ASH1L: variants seen among roughly 807,000 people sequenced by gnomAD.
ASH1L encodes histone-lysine N-methyltransferase ASH1L.
ASH1L carries 23 observed loss-of-function variants against 269.0 expected under a neutral mutation model. That is an observed-to-expected ratio of 0.09 (90% confidence interval 0.06 to 0.12). ASH1L has a LOEUF of 0.12. ASH1L is among the 10% of genes least tolerant of loss of function. The pLI is 1.00. For synonymous variants in ASH1L, 1,187 were observed against 1,253.5 expected (o/e 0.95, Z 1.12); for missense variants, 2,912 against 3,567.8 (o/e 0.82, Z 4.68).
rs1459532783 is a variant in ASH1L, at chr1:155,562,588, G to T, written c.-535C>A. On this transcript the variant is annotated 5_prime_UTR_variant, in exon 1 of 28. Transcript: ENST00000392403. ...CGCTCCGCCCGACTCCGTCCGCGTAGCGCGCACGCCCGCCCGCACGCGTAC... is the reference window on the plus strand; with the variant it reads ...CGCTCCGCCCGACTCCGTCCGCGTATCGCGCACGCCCGCCCGCACGCGTAC... 2 of 1,529,128 alleles carry T rather than the reference G, an allele frequency of 1.3e-6. No homozygotes were observed. Among genetic ancestry groups the T allele is most frequent in the South Asian group, 2.4e-5 (2 of 83,784 alleles). 94.7% of individuals were successfully genotyped at this position (1,529,128 alleles called of 1,614,324 possible).
chr1:155,485,722 T>C (rs1355255965), intron 2 of ASH1L, among the ~76,000 whole-genome samples: 1 of 152,192 alleles, frequency 6.6e-6, no homozygotes, highest in Non-Finnish European at 1.5e-5. Context: ...TCTCTATCCA[T>C]TAAAATGCCT....
intron 1 of ASH1L, among the ~76,000 whole-genome samples, chr1:155,548,022 T>C (rs1477818328): frequency 2.6e-5 from 4 of 152,026 alleles, no homozygotes; most frequent in African/African-American, 9.7e-5. Flanking sequence ...TGCAGGGACA[T>C]GGATGAAGCT....
intron 2 of ASH1L, among the ~76,000 whole-genome samples, chr1:155,514,005 A>T (rs748480547): frequency 2.0e-5 from 3 of 152,232 alleles, no homozygotes; most frequent in Non-Finnish European, 2.9e-5. Context: ...CAAGATGGAC[A>T]ACCTTGAGGA....
intron 2 of ASH1L, among the ~76,000 whole-genome samples, chr1:155,509,889 C>T (rs1012360012): frequency 1.3e-5 from 2 of 152,124 alleles, no homozygotes; most frequent in African/African-American, 4.8e-5. Flanking sequence ...TAAACCATAA[C>T]AAACTCCAAA....
Position 155,338,146 on chromosome 1 carries a change from G to A in ASH1L, c.8746C>T (p.Arg2916Trp), listed in dbSNP as rs1282948812. ...CTPEERRHNQRERLNQILLNL... is the reference protein window; with the variant it reads ...CTPEERRHNQWERLNQILLNL... Reference sequence around the variant, plus strand: ...AGCAAGATCTGGTTGAGTCGTTCCCGTTGGTTATGCCGTCGTTCCTCAGGG... The same window carrying A: ...AGCAAGATCTGGTTGAGTCGTTCCCATTGGTTATGCCGTCGTTCCTCAGGG... Residue 2916 changes from arginine (R) to tryptophan (W), a missense_variant, in exon 27 of 28, where the codon CGG becomes TGG. By Grantham distance (101) the Arg-to-Trp change is moderately radical. Coordinates refer to ENST00000392403, the MANE Select transcript of ASH1L (RefSeq NM_018489.3). 1.6e-5 allele frequency: 26 copies of A among 1,613,984 alleles called. No individual in the cohort carries two copies. The highest frequency in any genetic ancestry group is 2.1e-5 in the Non-Finnish European group (25 of 1,180,004).
chr1:155,491,257 G>A (rs1666762329), intron 2 of ASH1L, among the ~76,000 whole-genome samples: 1 of 151,996 alleles, frequency 6.6e-6, no homozygotes, highest in Non-Finnish European at 1.5e-5. Context: ...TCTTCTTGAA[G>A]TTAAAATCTT....
At chr1:155,438,251 T>C (rs781507981) in intron 5 of ASH1L, 76 bp downstream of exon 5, 5 of 1,392,372 alleles carry the variant, frequency 3.6e-6, no homozygotes, top group African/African-American at 1.4e-5. Flanking sequence ...GATGAAATAA[T>C]TCAGCTATAG....
chr1:155,337,251 C>T lies in ASH1L; in HGVS notation c.*409G>A, dbSNP rs1558008105. The T allele has an allele frequency of 6.2e-6, 1 of 160,976 alleles. No individual in the cohort carries two copies. The allele number at this position is 160,976 out of a possible 1,614,324, so 10.0% of individuals were successfully genotyped here. On this transcript the variant is annotated 3_prime_UTR_variant, in exon 28 of 28. Coordinates refer to ENST00000392403, the MANE Select transcript of ASH1L (RefSeq NM_018489.3). ...GATGGGGTAGGAATAGGGATCCTGG[C>T]CCTATCCCTTTGGATTTTGAGTTAT...
In ASH1L at chr1:155,354,538, A is replaced by G. The variant is rs764741496; in HGVS notation, c.7148T>C (p.Ile2383Thr). 13 of 1,613,608 alleles carry G rather than the reference A, an allele frequency of 8.1e-6. No individual in the cohort carries two copies. The highest frequency in any genetic ancestry group is 1.1e-5 in the South Asian group (1 of 91,044). Reference protein sequence around the residue: ...QEEVKHTSDNIHSASLYTRWN... With the variant: ...QEEVKHTSDNTHSASLYTRWN... ...ACGGGTATATAATGATGCTGAGTGAATATTATCACTGGTGTGCTTTACTTC... is the reference window on the plus strand; with the variant it reads ...ACGGGTATATAATGATGCTGAGTGAGTATTATCACTGGTGTGCTTTACTTC... The change falls in exon 16 of 28, where the codon ATT (isoleucine) becomes ACT (threonine). Residue 2383 changes from isoleucine (I) to threonine (T), a missense_variant. Transcript: ENST00000392403.
chr1:155,335,545 C>A lies in ASH1L; in HGVS notation c.*2115G>T, dbSNP rs900139595. 7 of 152,644 alleles carry A rather than the reference C, an allele frequency of 4.6e-5. No homozygotes were observed. The highest frequency in any genetic ancestry group is 1.7e-4 in the African/African-American group (7 of 41,406). The allele number at this position is 152,644 out of a possible 1,614,324, so 9.5% of individuals were successfully genotyped here. On this transcript the variant is annotated 3_prime_UTR_variant, in exon 28 of 28. Transcript: ENST00000392403. ...ATTTCAAACACCAAAACCCGCCTGG[C>A]AGCTGGGGGGTTCTTTTTATTTCGT...
At chr1:155,506,309 T>G (rs1354930174) in intron 2 of ASH1L, among the ~76,000 whole-genome samples, 2 of 152,244 alleles carry the variant, frequency 1.3e-5, no homozygotes, top group Non-Finnish European at 2.9e-5. Context: ...TCAAAATAAT[T>G]GGAACTTGTT....
In ASH1L at chr1:155,554,249, G is replaced by A. The variant is rs141647301; in HGVS notation, c.-100+7904C>T. Among the ~76,000 whole-genome samples, 579 of 151,506 alleles carry A rather than the reference G, an allele frequency of 3.8e-3. 5 individuals are homozygous for A. The highest frequency in any genetic ancestry group is 0.013 in the African/African-American group (550 of 41,350). ...ACAGGTGGATGCCACCACACTTGGCGAATTTTTTTTTTTTAATTTATGTAT... is the reference window on the plus strand; with the variant it reads ...ACAGGTGGATGCCACCACACTTGGCAAATTTTTTTTTTTTAATTTATGTAT... On this transcript the variant is annotated intron_variant, in intron 1 of 27. Transcript: ENST00000392403.
chr1:155,491,487 A>AT (rs1187166321), intron 2 of ASH1L, among the ~76,000 whole-genome samples: 1 of 152,200 alleles, frequency 6.6e-6, no homozygotes, highest in Non-Finnish European at 1.5e-5. Context: ...TGAAATTACT[A>AT]TAACTATCCT....
In ASH1L at chr1:155,521,585, A is replaced by G; in HGVS notation, c.-66T>C. On this transcript the variant is annotated 5_prime_UTR_variant, in exon 2 of 28. Transcript: ENST00000392403. ...TACAGAACTGTGTTCCATAAAAAAC[A>G]AGGATCTCCAAAACTCGAAACCAGC... 1 of 1,458,378 alleles carries G rather than the reference A, an allele frequency of 6.9e-7. No individual in the cohort carries two copies. Among genetic ancestry groups the G allele is most frequent in the Non-Finnish European group, 9.2e-7 (1 of 1,083,490 alleles). 90.3% of individuals were successfully genotyped at this position (1,458,378 alleles called of 1,614,324 possible).
At chr1:155,532,186 C>A (rs1247329197) in intron 1 of ASH1L, among the ~76,000 whole-genome samples, 1 of 152,190 alleles carries the variant, frequency 6.6e-6, no homozygotes, top group Admixed American at 6.5e-5. Flanking sequence ...ATCTCTGGAA[C>A]AATGTGGGAC....
chr1:155,552,503 C>A (rs1008387522), intron 1 of ASH1L, among the ~76,000 whole-genome samples: 5 of 151,386 alleles, frequency 3.3e-5, no homozygotes, highest in Non-Finnish European at 4.4e-5. Flanking sequence ...GAAACTACAA[C>A]AGGGTGGTGT....
At chr1:155,524,788 C>T (rs1056976092) in intron 1 of ASH1L, among the ~76,000 whole-genome samples, 3 of 151,848 alleles carry the variant, frequency 2.0e-5, no homozygotes, top group Admixed American at 6.6e-5. Flanking sequence ...TACACTGAGC[C>T]GTGATTGTAC....
chr1:155,541,278 AAAGAG>A (rs575418581), intron 1 of ASH1L, among the ~76,000 whole-genome samples: 246 of 152,282 alleles, frequency 1.6e-3, no homozygotes, highest in African/African-American at 5.7e-3. Context: ...TATATAGATA[AAAGAG>A]AATAGGCAAA....
Position 155,376,537 on chromosome 1 carries a change from G to A in ASH1L, c.6332+1744C>T, listed in dbSNP as rs1656457881. ...TTAAAATTATATACTCTCTTGGCCA[G>A]GTGTGGTGGCTCATGCCTGTAGTCC... On this transcript the variant is annotated intron_variant, in intron 10 of 27. Transcript: ENST00000392403. Among the ~76,000 whole-genome samples, 3 of 152,240 alleles carry A rather than the reference G, an allele frequency of 2.0e-5. No homozygotes were observed. In the South Asian group the frequency reaches 6.2e-4, roughly 32 times the overall value.
Sources: gnomAD v4.1 joint callset for allele counts (sites outside exome capture counted in the v4.1 genomes callset) on GRCh38, gnomAD v4.1.1 for gene constraint, MANE v1.5 for transcripts, NCBI Gene and HGNC (gene_info 2026-07-23, HGNC 2026-07-21) for gene names.